Variants in SGCZ observed in about 807,000 individuals in gnomAD.
SGCZ encodes sarcoglycan zeta, also known as zeta-sarcoglycan.
A neutral mutation model predicts 41.3 loss-of-function variants in SGCZ; 40 were observed. That is an observed-to-expected ratio of 0.97 (90% CI 0.75 to 1.26). The LOEUF is 1.26. Ranked by LOEUF, SGCZ falls within the 50% of genes most tolerant of loss-of-function variation. The probability of loss-of-function intolerance (pLI) is 0.00; values close to 1 mark genes in which losing one functional copy is unlikely to be tolerated. For synonymous variants in SGCZ, 206 were observed against 137.5 expected (o/e 1.50, Z -3.49); for missense variants, 552 against 369.8 (o/e 1.49, Z -4.04).
chr8:14,179,552 A>G (rs572353655), intron 4 of SGCZ, among the ~76,000 whole-genome samples: 7 of 152,242 alleles, frequency 4.6e-5, no homozygotes, highest in Admixed American at 6.5e-5. Context: ...GTTTCACTAT[A>G]TTAATGATAA....
intron 1 of SGCZ, among the ~76,000 whole-genome samples, chr8:15,166,500 G>C (rs1392907110): frequency 6.6e-6 from 1 of 152,080 alleles, no homozygotes; most frequent in East Asian, 1.9e-4. Context: ...CGCCCGCCTT[G>C]GCCTCCCAAA....
rs542888338 is a variant in SGCZ at position 14,361,421 on chromosome 8, C to T, written c.235-37217G>A. ...CTAATCTTATCTTATCGCTTTATTT[C>T]ATTAATTTGCTCTTCAATCACTGAT... On this transcript the variant is annotated intron_variant, in intron 2 of 7. Transcript: ENST00000382080. 3.3e-5 allele frequency among the ~76,000 whole-genome samples: 5 copies of T among 152,204 alleles called. No individual in the cohort carries two copies. In the South Asian group the frequency reaches 1.0e-3, roughly 32 times the overall value.
chr8:14,306,436 T>C (rs996261706), intron 3 of SGCZ, among the ~76,000 whole-genome samples: 1 of 152,198 alleles, frequency 6.6e-6, no homozygotes, highest in Non-Finnish European at 1.5e-5. Flanking sequence ...CTGGGAAATA[T>C]TGTAATTTCT....
At chr8:14,144,241 TA>T (rs1803456470) in intron 5 of SGCZ, among the ~76,000 whole-genome samples, 1 of 152,090 alleles carries the variant, frequency 6.6e-6, no homozygotes, top group African/African-American at 2.4e-5. Context: ...TCCTTCCACT[TA>T]AAGAGAGGAA....
chr8:14,550,708 T>C (rs1585070798), intron 2 of SGCZ, among the ~76,000 whole-genome samples: 2 of 152,004 alleles, frequency 1.3e-5, no homozygotes, highest in East Asian at 1.9e-4. Flanking sequence ...CTGGGATTGC[T>C]GGTAACCTTG....
Position 14,236,450 on chromosome 8 carries a change from TA to T in SGCZ, c.424+1141del, listed in dbSNP as rs534954827. Among the ~76,000 whole-genome samples, 38 of 151,884 alleles carry T rather than the reference TA, an allele frequency of 2.5e-4. 1 individual carries two copies. Among genetic ancestry groups the T allele is most frequent in the Admixed American group, 1.2e-3 (19 of 15,216 alleles). On this transcript the variant is annotated intron_variant, in intron 4 of 7. Coordinates refer to ENST00000382080, the MANE Select transcript of SGCZ (RefSeq NM_139167.4). ...TTTTGGGTTCATCAAAACAAATATTTAAAAAAAACCTACAAATTAAGTACAC... is the reference window on the plus strand; with the variant it reads ...TTTTGGGTTCATCAAAACAAATATTTAAAAAAACCTACAAATTAAGTACAC...
chr8:15,106,455 T>G (rs1047798409), intron 1 of SGCZ, among the ~76,000 whole-genome samples: 2 of 152,094 alleles, frequency 1.3e-5, no homozygotes, highest in African/African-American at 4.8e-5. Context: ...CTTATAAGCT[T>G]TCACATTTAT....
In SGCZ at chr8:14,542,992, G is replaced by T. The variant is rs576023652; in HGVS notation, c.234+11740C>A. On this transcript the variant is annotated intron_variant, in intron 2 of 7. Coordinates refer to ENST00000382080, the MANE Select transcript of SGCZ (RefSeq NM_139167.4). ...TCAGCTAGAAAGGGGGAAAACCAGT[G>T]ATTGTAAACAAGCTTAAGTACAAAA... is the stretch of plus-strand genomic sequence containing the variant. Among the ~76,000 whole-genome samples the T allele has an allele frequency of 2.6e-5, 4 of 151,916 alleles. No individual in the cohort carries two copies. In the South Asian group the frequency reaches 8.3e-4, roughly 32 times the overall value.
intron 4 of SGCZ, among the ~76,000 whole-genome samples, chr8:14,224,859 A>G (rs185276694): frequency 5.2e-4 from 79 of 152,298 alleles, no homozygotes; most frequent in Non-Finnish European, 8.8e-5. Flanking sequence ...CTTGTTACTT[A>G]TACTGTGACC....
At chr8:14,853,798 G>A (rs897749206) in intron 1 of SGCZ, among the ~76,000 whole-genome samples, 1 of 151,842 alleles carries the variant, frequency 6.6e-6, no homozygotes, top group Non-Finnish European at 1.5e-5. Flanking sequence ...ACTACTGTTG[G>A]AATTTTCCTT....
At chr8:14,340,747 T>A (rs895748817) in intron 2 of SGCZ, among the ~76,000 whole-genome samples, 1 of 152,172 alleles carries the variant, frequency 6.6e-6, no homozygotes, top group Non-Finnish European at 1.5e-5. Context: ...AAACCAATTC[T>A]TTTTGGAGGT....
chr8:14,877,896 G>GT (rs143966568), intron 1 of SGCZ, among the ~76,000 whole-genome samples: 37 of 149,324 alleles, frequency 2.5e-4, no homozygotes, highest in Admixed American at 4.7e-4. Context: ...ATGCAAAAGG[G>GT]TTTTTTTTTT....
chr8:14,953,531 T>C (rs1800706833), intron 1 of SGCZ, among the ~76,000 whole-genome samples: 1 of 152,122 alleles, frequency 6.6e-6, no homozygotes, highest in African/African-American at 2.4e-5. Context: ...TTTTGATCTC[T>C]CTCATGTTAG....
intron 1 of SGCZ, among the ~76,000 whole-genome samples, chr8:14,606,676 A>C (rs1188527293): frequency 6.6e-6 from 1 of 152,206 alleles, no homozygotes; most frequent in East Asian, 1.9e-4. Context: ...TTCTGAAATG[A>C]AAAGTCCACA....
At chr8:14,600,098 G>C (rs1805538204) in intron 1 of SGCZ, among the ~76,000 whole-genome samples, 1 of 151,998 alleles carries the variant, frequency 6.6e-6, no homozygotes, top group African/African-American at 2.4e-5. Flanking sequence ...ATCCCATCTA[G>C]TAGTAGCATT....
At chr8:14,803,539 A>T (rs953774785) in intron 1 of SGCZ, among the ~76,000 whole-genome samples, 3 of 152,006 alleles carry the variant, frequency 2.0e-5, no homozygotes, top group African/African-American at 7.3e-5. Flanking sequence ...AAAACGGCGC[A>T]CCACGAGATT....
chr8:14,689,596 T>C (rs1808732543), intron 1 of SGCZ, among the ~76,000 whole-genome samples: 1 of 152,158 alleles, frequency 6.6e-6, no homozygotes, highest in Non-Finnish European at 1.5e-5. Context: ...TAGTGAATTA[T>C]ATTATACACA....
At chr8:14,700,258 T>C (rs140283026) in intron 1 of SGCZ, among the ~76,000 whole-genome samples, 6 of 152,114 alleles carry the variant, frequency 3.9e-5, no homozygotes, top group East Asian at 1.9e-4. Flanking sequence ...ATATACATCA[T>C]AGGATACTAC....
chr8:14,604,422 T>TC (rs1805683754), intron 1 of SGCZ, among the ~76,000 whole-genome samples: 1 of 142,464 alleles, frequency 7.0e-6, no homozygotes, highest in Non-Finnish European at 1.6e-5. Flanking sequence ...TAAGCCATGA[T>TC]TTTTTTTTTA....
Sources: allele counts gnomAD v4.1 joint callset (sites outside exome capture counted in the v4.1 genomes callset), GRCh38; gene constraint gnomAD v4.1.1; transcripts MANE v1.5; gene names NCBI Gene and HGNC (gene_info 2026-07-23, HGNC 2026-07-21).